Variants in TAF4B observed in about 807,000 individuals in gnomAD.
The protein encoded by TAF4B is TATA-box binding protein associated factor 4b.
Under a neutral mutation model 86.4 loss-of-function variants are expected in TAF4B, and 38 were observed. The observed-to-expected ratio is 0.44, with a 90% CI of 0.34 to 0.58. The LOEUF is 0.58. Ranked by LOEUF, TAF4B falls within the 20% of genes least tolerant of loss-of-function variation. The pLI is 0.02. For synonymous variants in TAF4B, 388 were observed against 391.2 expected (o/e 0.99, Z 0.10); for missense variants, 988 against 1,027.6 (o/e 0.96, Z 0.53).
chr18:26,344,630 A>G (rs1413464956), intron 13 of TAF4B, among the ~76,000 whole-genome samples: 1 of 152,210 alleles, frequency 6.6e-6, no homozygotes, highest in Non-Finnish European at 1.5e-5. Flanking sequence ...CACAACAGAA[A>G]TGGAAAACAT....
chr18:26,388,821 T>C, intron 14 of TAF4B, among the ~76,000 whole-genome samples: 1 of 152,188 alleles, frequency 6.6e-6, no homozygotes, highest in Non-Finnish European at 1.5e-5. Context: ...ATTTTTATTA[T>C]TTTCATTTTT....
intron 1 of TAF4B, among the ~76,000 whole-genome samples, chr18:26,242,678 A>G (rs183384933): frequency 6.6e-6 from 1 of 152,140 alleles, no homozygotes. Context: ...TCTTCCTAGC[A>G]TCGATGGTCT....
At chr18:26,329,954 G>GCCA (rs1401767424) in intron 12 of TAF4B, among the ~76,000 whole-genome samples, 23 of 152,078 alleles carry the variant, frequency 1.5e-4, no homozygotes, top group Non-Finnish European at 1.5e-5. Flanking sequence ...ACAGGCACAT[G>GCCA]CCACCACACC....
intron 14 of TAF4B, among the ~76,000 whole-genome samples, chr18:26,371,211 CAT>C (rs1324299219): frequency 6.6e-6 from 1 of 152,130 alleles, no homozygotes; most frequent in Admixed American, 6.5e-5. Flanking sequence ...TGAATCGACA[CAT>C]ATTTATAAAA....
chr18:26,243,408 C>A (rs145622704), intron 1 of TAF4B, among the ~76,000 whole-genome samples: 1 of 152,084 alleles, frequency 6.6e-6, no homozygotes, highest in South Asian at 2.1e-4. Context: ...ACGTAGTTCT[C>A]GTGCCATGGT....
intron 13 of TAF4B, among the ~76,000 whole-genome samples, chr18:26,344,169 A>T (rs2057157809): frequency 6.6e-6 from 1 of 152,202 alleles, no homozygotes; most frequent in African/African-American, 2.4e-5. Flanking sequence ...TGAATAGCGG[A>T]TAGAAATGAC....
At chr18:26,227,398 A>G in intron 1 of TAF4B, 122 bp downstream of exon 1, 1 of 838,020 alleles carries the variant, frequency 1.2e-6, no homozygotes, top group Non-Finnish European at 1.9e-6. Flanking sequence ...TCTTGACTTT[A>G]CAGTTAACAT....
intron 9 of TAF4B, among the ~76,000 whole-genome samples, chr18:26,307,997 A>G (rs1479508518): frequency 6.6e-6 from 1 of 152,062 alleles, no homozygotes; most frequent in Non-Finnish European, 1.5e-5. Flanking sequence ...AGTCCCAGCT[A>G]CTTGGGAGGC....
intron 1 of TAF4B, among the ~76,000 whole-genome samples, chr18:26,264,247 T>A (rs532524698): frequency 6.6e-6 from 1 of 152,316 alleles, no homozygotes; most frequent in Admixed American, 6.5e-5. Flanking sequence ...GAGACCAGCC[T>A]GGCCAACATG....
chr18:26,364,473 T>C (rs535057308), intron 14 of TAF4B, among the ~76,000 whole-genome samples: 1 of 152,300 alleles, frequency 6.6e-6, no homozygotes, highest in South Asian at 2.1e-4. Context: ...GTGTATTGTT[T>C]ATATGTATTG....
At chr18:26,258,864 A>AT (rs369237752) in intron 1 of TAF4B, among the ~76,000 whole-genome samples, 12,586 of 134,612 alleles carry the variant, frequency 0.093, 575 homozygotes, top group Middle Eastern at 0.12. Context: ...GCTACTTTTA[A>AT]TTTTTTTTTT....
chr18:26,285,210 C>CTTTCCTTTTTTTTTTTTTT (rs2056496143), intron 6 of TAF4B, among the ~76,000 whole-genome samples: 1 of 42,550 alleles, frequency 2.4e-5, no homozygotes, highest in East Asian at 9.7e-4. Context: ...TCTTCCTTTC[C>CTTTCCTTTTTTTTTTTTTT]TTTTTTTTTT....
chr18:26,342,559 G>C (rs1393892660), intron 13 of TAF4B, among the ~76,000 whole-genome samples: 1 of 152,186 alleles, frequency 6.6e-6, no homozygotes, highest in African/African-American at 2.4e-5. Flanking sequence ...CTGAGAACTT[G>C]TGTGATCTTC....
At chr18:26,374,369 G>C (rs967275806) in intron 14 of TAF4B, among the ~76,000 whole-genome samples, 2 of 152,148 alleles carry the variant, frequency 1.3e-5, no homozygotes, top group Non-Finnish European at 2.9e-5. Flanking sequence ...CTATAATTTA[G>C]AGTACTATTA....
chr18:26,246,765 T>G (rs2144486653), intron 1 of TAF4B, among the ~76,000 whole-genome samples: 1 of 152,270 alleles, frequency 6.6e-6, no homozygotes. Flanking sequence ...ACTCCTGACC[T>G]CAGGTGATCT....
intron 3 of TAF4B, among the ~76,000 whole-genome samples, chr18:26,268,379 C>T (rs1052776314): frequency 6.6e-5 from 10 of 152,172 alleles, no homozygotes; most frequent in African/African-American, 2.4e-4. Context: ...GTCCCCACTG[C>T]TGCAGCTGGT....
intron 1 of TAF4B, among the ~76,000 whole-genome samples, chr18:26,246,234 T>C (rs2144485030): frequency 6.6e-6 from 1 of 152,324 alleles, no homozygotes; most frequent in Non-Finnish European, 1.5e-5. Flanking sequence ...GGCTGGATGA[T>C]AATACCAGTG....
intron 1 of TAF4B, 39 bp downstream of exon 1, chr18:26,227,315 A>G (rs748195278): frequency 7.6e-6 from 12 of 1,578,126 alleles, no homozygotes; most frequent in Non-Finnish European, 1.0e-5. Flanking sequence ...CTGTCGGTCC[A>G]GCTGGCGGCG....
At position 26,315,149 on chromosome 18, in the gene TAF4B, T is replaced by A. The variant is rs1168634379; in HGVS notation, c.1833-80T>A. The A allele has an allele frequency of 4.7e-3, 1,999 of 428,984 alleles. 69 individuals carry two copies. The highest frequency in any genetic ancestry group is 0.041 in the African/African-American group (1,273 of 31,004). 26.6% of individuals were successfully genotyped at this position (428,984 alleles called of 1,614,324 possible). Reference sequence around the variant, plus strand: ...CTCTCTCTCTCTCTCTCTCTCTGTCTCTCTCTCTCTCTCACACACACACAC... The same window carrying A: ...CTCTCTCTCTCTCTCTCTCTCTGTCACTCTCTCTCTCTCACACACACACAC... On this transcript the variant is annotated intron_variant, in intron 9 of 14. Coordinates refer to ENST00000269142, the MANE Select transcript of TAF4B (RefSeq NM_005640.3).
Sources: gnomAD v4.1 joint callset for allele counts (sites outside exome capture counted in the v4.1 genomes callset) on GRCh38, gnomAD v4.1.1 for gene constraint, MANE v1.5 for transcripts, NCBI Gene and HGNC (gene_info 2026-07-23, HGNC 2026-07-21) for gene names.